The following LDB3 variants were observed in gnomAD, a reference collection of about 807,000 sequenced individuals.
The protein encoded by LDB3 is LIM domain binding 3, also known as LIM domain-binding protein 3.
A neutral mutation model predicts 69.0 loss-of-function variants in LDB3; 49 were observed. The observed-to-expected ratio is 0.71, with a 90% CI of 0.56 to 0.90. The LOEUF is 0.90. Among genes scored for constraint, LDB3 ranks in the 40% least tolerant of loss-of-function variants. LDB3 has a pLI of 0.00. For synonymous variants in LDB3, 387 were observed against 396.2 expected (o/e 0.98, Z 0.28); for missense variants, 928 against 974.1 (o/e 0.95, Z 0.63).
intron 1 of LDB3, 21 bp downstream of exon 1, chr10:86,668,591 C>T (rs1278050600): frequency 6.4e-6 from 6 of 936,850 alleles, no homozygotes; most frequent in Non-Finnish European, 1.1e-5. Flanking sequence ...GGGTCAGGGG[C>T]AGGGGCAGAG....
chr10:86,732,007 TTC>T (rs759015602), intron 13 of LDB3, among the ~76,000 whole-genome samples: 1,421 of 128,134 alleles, frequency 0.011, 52 homozygotes, highest in African/African-American at 0.03. Flanking sequence ...TTCTTTCTTT[TTC>T]TTTTTTTTTT....
chr10:86,712,977 C>A (rs1460507121), intron 9 of LDB3, among the ~76,000 whole-genome samples: 1 of 152,058 alleles, frequency 6.6e-6, no homozygotes, highest in East Asian at 1.9e-4. Context: ...AGGAGAATCA[C>A]TTGAACCCAG....
In LDB3 at chr10:86,685,705, G is replaced by A. The variant is rs1057521576; in HGVS notation, c.689+3902G>A. On this transcript the variant is annotated intron_variant, in intron 5 of 13. Coordinates refer to ENST00000361373, the MANE Select transcript of LDB3 (RefSeq NM_007078.3). Reference sequence around the variant, plus strand: ...GGTAGTCAACTCTCCAGCCAAGTTAGTATCAAAGGACAGCATGTGTGTGCG... The same window carrying A: ...GGTAGTCAACTCTCCAGCCAAGTTAATATCAAAGGACAGCATGTGTGTGCG... 2.4e-5 allele frequency: 39 copies of A among 1,614,072 alleles called. No homozygotes were observed. Among genetic ancestry groups the A allele is most frequent in the Non-Finnish European group, 3.3e-5 (39 of 1,180,024 alleles).
At chr10:86,710,673 C>G (rs1158424249) in intron 9 of LDB3, among the ~76,000 whole-genome samples, 1 of 152,226 alleles carries the variant, frequency 6.6e-6, no homozygotes, top group Non-Finnish European at 1.5e-5. Flanking sequence ...CAGGTCCTAT[C>G]CAGGCGCAGG....
intron 13 of LDB3, among the ~76,000 whole-genome samples, chr10:86,728,621 T>G (rs1847353661): frequency 8.1e-6 from 1 of 123,650 alleles, no homozygotes; most frequent in Non-Finnish European, 1.7e-5. Context: ...TCTTGCTCTG[T>G]CGCCAGGCTG....
At chr10:86,689,539 G>A (rs1208556834) in intron 5 of LDB3, among the ~76,000 whole-genome samples, 6 of 152,230 alleles carry the variant, frequency 3.9e-5, no homozygotes, top group Non-Finnish European at 2.9e-5. Flanking sequence ...CCAGGCTGGG[G>A]GTGCATACCT....
At chr10:86,704,494 A>T (rs1185249581) in intron 7 of LDB3, among the ~76,000 whole-genome samples, 1 of 150,320 alleles carries the variant, frequency 6.7e-6, no homozygotes, top group East Asian at 2.0e-4. Flanking sequence ...ATCTCGGCTC[A>T]CCGCAACCTC....
intron 13 of LDB3, among the ~76,000 whole-genome samples, chr10:86,729,507 C>G (rs1847384388): frequency 6.6e-6 from 1 of 152,216 alleles, no homozygotes; most frequent in African/African-American, 2.4e-5. Flanking sequence ...GCTGCTGCAG[C>G]TGGCCTAGTT....
At chr10:86,693,272 C>T (rs1484236876) in intron 7 of LDB3, among the ~76,000 whole-genome samples, 2 of 152,170 alleles carry the variant, frequency 1.3e-5, no homozygotes, top group Non-Finnish European at 2.9e-5. Context: ...CTGGAACCCG[C>T]TGGGGCCTTC....
intron 2 of LDB3, among the ~76,000 whole-genome samples, chr10:86,674,419 C>T (rs1182917163): frequency 6.6e-6 from 1 of 152,140 alleles, no homozygotes; most frequent in Admixed American, 6.5e-5. Context: ...ACCAGCTCTC[C>T]CTGGGCTGCC....
At chr10:86,728,588 T>TTTTTTTTTTTG (rs1847348049) in intron 13 of LDB3, among the ~76,000 whole-genome samples, 1 of 146,372 alleles carries the variant, frequency 6.8e-6, no homozygotes, top group African/African-American at 2.5e-5. Flanking sequence ...GTTCTTTTGT[T>TTTTTTTTTTTG]TTTTTTTTTT....
intron 13 of LDB3, chr10:86,732,507 TTTGTTTG>T (rs1310336835): frequency 4.4e-6 from 2 of 455,974 alleles, no homozygotes; most frequent in Admixed American, 4.7e-5. Flanking sequence ...TGTTTGTTTG[TTTGTTTG>T]TTTGCTTTAG....
chr10:86,667,531 C>T (rs879656314), upstream of LDB3, among the ~76,000 whole-genome samples: 7 of 152,248 alleles, frequency 4.6e-5, no homozygotes, highest in East Asian at 5.8e-4. Flanking sequence ...ACATGCCACA[C>T]GTGCTTCCCC....
At position 86,679,418 on chromosome 10, in the gene LDB3, G is replaced by A. The variant is rs200645175; in HGVS notation, c.145G>A (p.Val49Met). The A allele has an allele frequency of 2.2e-5, 35 of 1,614,054 alleles. No individual in the cohort carries two copies. The highest frequency in any genetic ancestry group is 5.0e-5 in the Admixed American group (3 of 60,008). ...AQSQLSQGDLVVAIDGVNTDT... is the reference protein window; with the variant it reads ...AQSQLSQGDLMVAIDGVNTDT... ...GTCCCAGCTCAGCCAGGGTGACCTC[G>A]TGGTGGCCATTGACGGCGTCAACAC... Residue 49 changes from valine (V) to methionine (M), a missense_variant, in exon 3 of 14, where the codon GTG becomes ATG. By Grantham distance (21) the Val-to-Met change is conservative. Coordinates refer to ENST00000361373, the MANE Select transcript of LDB3 (RefSeq NM_007078.3).
At chr10:86,718,359 TG>T in intron 11 of LDB3, among the ~76,000 whole-genome samples, 1 of 152,206 alleles carries the variant, frequency 6.6e-6, no homozygotes, top group Non-Finnish European at 1.5e-5. Flanking sequence ...CAGCTTGAAG[TG>T]GTGGTGGAAC....
intron 9 of LDB3, among the ~76,000 whole-genome samples, chr10:86,710,783 C>A (rs1427994389): frequency 6.6e-6 from 1 of 152,240 alleles, no homozygotes; most frequent in Non-Finnish European, 1.5e-5. Flanking sequence ...GTTCATGAAG[C>A]TCGCTCTGAC....
At chr10:86,677,680 C>A (rs1018944236) in intron 2 of LDB3, among the ~76,000 whole-genome samples, 2 of 152,126 alleles carry the variant, frequency 1.3e-5, no homozygotes, top group Non-Finnish European at 2.9e-5. Flanking sequence ...GTGGTATTAT[C>A]GGGGCTCAGG....
rs369454227 is a variant in LDB3, at chr10:86,718,716, C to A, written c.1858-11C>A. 1.2e-5 allele frequency: 19 copies of A among 1,614,168 alleles called. No individual in the cohort carries two copies. The African/African-American group carries it at 2.4e-4, about 20-fold the overall frequency. ...CTCCTTTCTGTCCTGAGCTTAGGCT[C>A]TTTCCCCCAGGAAGTAATGCATGCC... On this transcript the variant is annotated splice_polypyrimidine_tract_variant and intron_variant, in intron 11 of 13. Transcript: ENST00000361373.
intron 12 of LDB3, among the ~76,000 whole-genome samples, chr10:86,723,191 G>A (rs1847142712): frequency 6.9e-6 from 1 of 144,332 alleles, no homozygotes; most frequent in Non-Finnish European, 1.5e-5. Context: ...GATGGTTTGA[G>A]CCCAGGAAGT....
Sources: allele counts gnomAD v4.1 joint callset (sites outside exome capture counted in the v4.1 genomes callset), GRCh38; gene constraint gnomAD v4.1.1; transcripts MANE v1.5; gene names NCBI Gene and HGNC (gene_info 2026-07-23, HGNC 2026-07-21).